The following OPRM1 variants were observed in gnomAD, a reference collection of about 807,000 sequenced individuals.
OPRM1 encodes the protein mu-type opioid receptor.
A neutral mutation model predicts 31.8 loss-of-function variants in OPRM1; 27 were observed. The ratio of observed to expected loss-of-function variants is 0.85; its 90% CI spans 0.63 to 1.17. The LOEUF is 1.17. Ranked by LOEUF, OPRM1 falls within the 50% of genes most tolerant of loss-of-function variation. The pLI, the probability that OPRM1 is intolerant of heterozygous loss-of-function variation, is 0.00. For synonymous variants in OPRM1, 196 were observed against 189.9 expected, an observed-to-expected ratio of 1.03 and a Z score of -0.26; for missense variants, 536 against 511.1, an observed-to-expected ratio of 1.05 and a Z score of -0.47.
intron 3 of OPRM1, among the ~76,000 whole-genome samples, chr6:154,194,697 AG>A (rs1420510229): frequency 6.6e-6 from 1 of 152,180 alleles, no homozygotes; most frequent in Non-Finnish European, 1.5e-5. Context: ...TGAAAAACAA[AG>A]GTAATGTAAA....
chr6:154,097,194 C>T (rs780018618), intron 3 of OPRM1, among the ~76,000 whole-genome samples: 10 of 152,142 alleles, frequency 6.6e-5, no homozygotes, highest in Non-Finnish European at 1.2e-4. Flanking sequence ...CCTGCTAATT[C>T]CTTTCCATTA....
rs146861614 is a variant in OPRM1, at chr6:154,019,312, T to TCA, written c.-1+8313_-1+8314dup. 8.7e-3 allele frequency among the ~76,000 whole-genome samples: 1,293 copies of TCA among 147,838 alleles called. 5 individuals carry two copies. The highest frequency in any genetic ancestry group is 0.017 in the African/African-American group (672 of 40,528). ...GAATTTCCATATGACCATTGCTCCC[T>TCA]CACACACACACACACACACAGCCTC... On this transcript the variant is annotated intron_variant, in intron 1 of 5. Transcript: ENST00000434900.
chr6:154,135,477 AT>A (rs1419155780), downstream of OPRM1, among the ~76,000 whole-genome samples: 22 of 149,148 alleles, frequency 1.5e-4, no homozygotes, highest in East Asian at 3.1e-3. Flanking sequence ...GTAAAAAAAA[AT>A]ATATAGATAG....
chr6:154,141,730 C>A (rs1583650832), intron 3 of OPRM1, among the ~76,000 whole-genome samples: 1 of 152,366 alleles, frequency 6.6e-6, no homozygotes, highest in East Asian at 1.9e-4. Context: ...AGGTGAAAGA[C>A]AAGCTGTTGC....
At chr6:154,058,822 T>A (rs1196315381) in intron 1 of OPRM1, among the ~76,000 whole-genome samples, 1 of 152,112 alleles carries the variant, frequency 6.6e-6, no homozygotes, top group African/African-American at 2.4e-5. Flanking sequence ...CATTAAAAAA[T>A]TTTCATCTTT....
chr6:154,089,043 C>T (rs1338727138), intron 1 of OPRM1, among the ~76,000 whole-genome samples: 2 of 152,182 alleles, frequency 1.3e-5, no homozygotes, highest in Non-Finnish European at 2.9e-5. Flanking sequence ...TTCCCTTTGC[C>T]TTATGCTCTG....
chr6:154,065,652 G>GT (rs373398795), intron 1 of OPRM1, among the ~76,000 whole-genome samples: 27 of 151,602 alleles, frequency 1.8e-4, no homozygotes, highest in African/African-American at 3.6e-4. Flanking sequence ...AGTTCTAACA[G>GT]TTTTTTTTGT....
Position 154,099,450 on chromosome 6 carries a change from AAGAG to A in OPRM1, c.1164+7982_1164+7985del, listed in dbSNP as rs1230007910. Among the ~76,000 whole-genome samples the A allele has an allele frequency of 7.3e-3, 593 of 81,140 alleles. 6 individuals are homozygous for A. Among genetic ancestry groups the A allele is most frequent in the African/African-American group, 0.024 (560 of 23,190 alleles). The allele number at this position is 81,140 out of a possible 152,430, so 53.2% of individuals were successfully genotyped here. On this transcript the variant is annotated intron_variant, in intron 3 of 3. Transcript: ENST00000330432. ...AGAAAGAGGGAGGGAGGAAGAAAGA[AAGAG>A]AGAAAGAAAGAAAGAAAAAGAAAGA...
At chr6:154,188,845 A>C (rs1801612712) in intron 3 of OPRM1, among the ~76,000 whole-genome samples, 1 of 152,232 alleles carries the variant, frequency 6.6e-6, no homozygotes, top group African/African-American at 2.4e-5. Flanking sequence ...CATTCATGGA[A>C]CACATCAAAA....
At chr6:154,114,433 G>GA (rs773960873) in intron 3 of OPRM1, among the ~76,000 whole-genome samples, 446 of 147,010 alleles carry the variant, frequency 3.0e-3, no homozygotes, top group Non-Finnish European at 5.1e-3. Context: ...TTTCTCTGCA[G>GA]AAAAAAAAAA....
chr6:154,136,594 C>T (rs554528697), downstream of OPRM1, among the ~76,000 whole-genome samples: 1 of 152,162 alleles, frequency 6.6e-6, no homozygotes, highest in Non-Finnish European at 1.5e-5. Flanking sequence ...TCCCTCAGCC[C>T]CTCCGCTTGG....
At chr6:154,093,483 A>T (rs557690438) in intron 3 of OPRM1, 1 of 1,608,834 alleles carries the variant, frequency 6.2e-7, no homozygotes, top group East Asian at 2.2e-5. Flanking sequence ...ACTGCCCTTG[A>T]CTCCCTTCCA....
Position 154,131,639 on chromosome 6 carries a change from A to G in OPRM1, c.*12918A>G, listed in dbSNP as rs902390643. ...TGTCAACTGGTCATATTAAAATAAA[A>G]AAGTATAGAATAGTTTCTGTTTTAC... On this transcript the variant is annotated 3_prime_UTR_variant, in exon 4 of 4. Coordinates refer to ENST00000330432, the MANE Select transcript of OPRM1 (RefSeq NM_000914.5). 6.6e-6 allele frequency among the ~76,000 whole-genome samples: 1 copy of G among 152,218 alleles called. No individual in the cohort carries two copies. The highest frequency in any genetic ancestry group is 6.5e-5 in the Admixed American group (1 of 15,292).
chr6:154,098,250 G>T (rs2128496188), intron 3 of OPRM1, among the ~76,000 whole-genome samples: 1 of 150,050 alleles, frequency 6.7e-6, no homozygotes, highest in African/African-American at 2.4e-5. Context: ...TAGTTTTAAA[G>T]ATTGGATTAA....
intron 1 of OPRM1, among the ~76,000 whole-genome samples, chr6:154,081,746 C>G (rs1431534560): frequency 6.6e-6 from 1 of 152,188 alleles, no homozygotes; most frequent in Non-Finnish European, 1.5e-5. Flanking sequence ...ACAACACAAT[C>G]AGCAATGCAC....
intron 3 of OPRM1, among the ~76,000 whole-genome samples, chr6:154,182,111 T>A (rs957504333): frequency 4.6e-5 from 7 of 152,166 alleles, no homozygotes; most frequent in African/African-American, 1.7e-4. Context: ...AAACTGAACA[T>A]ATTAAGAGAA....
chr6:154,143,145 A>C (rs1207687838), intron 3 of OPRM1, among the ~76,000 whole-genome samples: 1 of 152,222 alleles, frequency 6.6e-6, no homozygotes, highest in South Asian at 2.1e-4. Flanking sequence ...CACAGATATA[A>C]TATGTGTTTA....
At chr6:154,017,132 C>G (rs1361298793) in intron 1 of OPRM1, among the ~76,000 whole-genome samples, 2 of 152,182 alleles carry the variant, frequency 1.3e-5, no homozygotes, top group Non-Finnish European at 2.9e-5. Context: ...TCTCCTCTCT[C>G]CCTCTCTCTT....
rs143463267 is a variant in OPRM1 at position 154,164,862 on chromosome 6, T to C, written c.1164+73390T>C. Reference sequence around the variant, plus strand: ...ATGAGCTGTTAGAAATTCCTAAATATCTGTATTTAGTGTACAACATAATAC... The same window carrying C: ...ATGAGCTGTTAGAAATTCCTAAATACCTGTATTTAGTGTACAACATAATAC... On this transcript the variant is annotated intron_variant, in intron 3 of 3. Transcript: ENST00000337049. Among the ~76,000 whole-genome samples, 26 of 152,318 alleles carry C rather than the reference T, an allele frequency of 1.7e-4. No homozygotes were observed. In the East Asian group the frequency reaches 3.3e-3, roughly 19 times the overall value.
Sources: allele counts gnomAD v4.1 joint callset (sites outside exome capture counted in the v4.1 genomes callset), GRCh38; gene constraint gnomAD v4.1.1; transcripts MANE v1.5; gene names NCBI Gene and HGNC (gene_info 2026-07-23, HGNC 2026-07-21).